SLC24A2: variants seen among roughly 807,000 people sequenced by gnomAD.
SLC24A2 encodes the protein sodium/potassium/calcium exchanger 2.
SLC24A2 carries 36 observed loss-of-function variants against 62.0 expected under a neutral mutation model. The ratio of observed to expected loss-of-function variants is 0.58; its 90% CI spans 0.44 to 0.77. The LOEUF is 0.77. Among genes scored for constraint, SLC24A2 ranks in the 30% least tolerant of loss-of-function variants. The probability of loss-of-function intolerance (pLI) is 0.00; values close to 1 mark genes in which losing one functional copy is unlikely to be tolerated. For missense variants in SLC24A2, 846 were observed against 817.9 expected (o/e 1.03, Z -0.42); for synonymous variants, 358 against 294.0 (o/e 1.22, Z -2.23).
chr9:20,033,357 T>C, the SLC24A2 span, among the ~76,000 whole-genome samples: 13 of 152,280 alleles, frequency 8.5e-5, no homozygotes, highest in Non-Finnish European at 4.4e-5. Context: ...AGACTTGCAA[T>C]GAAATACTTG....
At chr9:19,934,575 G>A in the SLC24A2 span, among the ~76,000 whole-genome samples, 1 of 152,194 alleles carries the variant, frequency 6.6e-6, no homozygotes, top group African/African-American at 2.4e-5. This position sits in a 1 kb window ranked among gnomAD's most constrained non-coding sequence, Gnocchi z 4.1. Context: ...TGCGCTGCCT[G>A]CCAGGCAGCG....
At chr9:20,290,209 G>T in the SLC24A2 span, among the ~76,000 whole-genome samples, 1 of 152,164 alleles carries the variant, frequency 6.6e-6, no homozygotes, top group Non-Finnish European at 1.5e-5. Context: ...GCAGGATAAG[G>T]CTGAACTCTG....
At chr9:19,899,231 AAG>A in the SLC24A2 span, among the ~76,000 whole-genome samples, 1 of 152,190 alleles carries the variant, frequency 6.6e-6, no homozygotes, top group Non-Finnish European at 1.5e-5. Flanking sequence ...CTGGGAAAGT[AAG>A]AGAGAAAGGG....
chr9:19,900,455 C>A, the SLC24A2 span, among the ~76,000 whole-genome samples: 7 of 152,182 alleles, frequency 4.6e-5, no homozygotes, highest in Non-Finnish European at 1.0e-4. Flanking sequence ...TATTGGTGGA[C>A]TCCATTATCT....
At chr9:19,749,228 C>A (rs1367963481) in intron 2 of SLC24A2, among the ~76,000 whole-genome samples, 11 of 151,858 alleles carry the variant, frequency 7.2e-5, no homozygotes, top group African/African-American at 2.7e-4. Context: ...GCATTCAATT[C>A]TTTTAAAATG....
At chr9:20,298,012 G>A in the SLC24A2 span, among the ~76,000 whole-genome samples, 1 of 152,166 alleles carries the variant, frequency 6.6e-6, no homozygotes, top group Non-Finnish European at 1.5e-5. Context: ...ACTGGTGGAG[G>A]CAAACTCCAT....
the SLC24A2 span, among the ~76,000 whole-genome samples, chr9:19,795,076 CT>C: frequency 6.6e-6 from 1 of 152,148 alleles, no homozygotes; most frequent in African/African-American, 2.4e-5. Context: ...AACTAAAATA[CT>C]TGTTTTATTC....
At chr9:20,012,807 C>G in the SLC24A2 span, among the ~76,000 whole-genome samples, 1 of 151,170 alleles carries the variant, frequency 6.6e-6, no homozygotes, top group Non-Finnish European at 1.5e-5. Flanking sequence ...TTTACAATAG[C>G]AACAAAAAAT....
intron 4 of SLC24A2, among the ~76,000 whole-genome samples, chr9:19,600,236 A>G (rs1253070778): frequency 6.6e-6 from 1 of 152,226 alleles, no homozygotes; most frequent in Non-Finnish European, 1.5e-5. Context: ...GCTGCCCATT[A>G]TGAGAATCAC....
chr9:20,016,094 C>G, the SLC24A2 span, among the ~76,000 whole-genome samples: 1 of 152,130 alleles, frequency 6.6e-6, no homozygotes, highest in Admixed American at 6.5e-5. Context: ...TAGGCCAGTG[C>G]TTTTTGAACT....
At chr9:19,774,987 C>T (rs1822803340) in intron 2 of SLC24A2, among the ~76,000 whole-genome samples, 1 of 152,190 alleles carries the variant, frequency 6.6e-6, no homozygotes, top group African/African-American at 2.4e-5. Context: ...CTAGTCCTTT[C>T]ATTTTCAAAG....
At chr9:19,974,451 T>C in the SLC24A2 span, among the ~76,000 whole-genome samples, 2 of 152,328 alleles carry the variant, frequency 1.3e-5, no homozygotes, top group East Asian at 1.9e-4. Flanking sequence ...TGTCAACAAG[T>C]GCTTATGTAC....
At chr9:19,939,276 CATGGA>C in the SLC24A2 span, among the ~76,000 whole-genome samples, 5 of 152,270 alleles carry the variant, frequency 3.3e-5, no homozygotes, top group South Asian at 1.0e-3. Flanking sequence ...GTGTGAACAT[CATGGA>C]GTATACTTAT....
chr9:20,285,776 A>G, the SLC24A2 span, among the ~76,000 whole-genome samples: 3 of 152,342 alleles, frequency 2.0e-5, no homozygotes, highest in South Asian at 2.1e-4. Context: ...CCCTAATTCT[A>G]TATGACTGGT....
At chr9:19,988,952 T>C in the SLC24A2 span, among the ~76,000 whole-genome samples, 5 of 152,190 alleles carry the variant, frequency 3.3e-5, no homozygotes, top group South Asian at 1.0e-3. Flanking sequence ...TAGATTTTCT[T>C]TTAGGAAGCT....
At chr9:19,605,922 G>A (rs773753577) in intron 4 of SLC24A2, among the ~76,000 whole-genome samples, 67 of 152,238 alleles carry the variant, frequency 4.4e-4, no homozygotes, top group Non-Finnish European at 7.5e-4. Flanking sequence ...CAAGGTGGCT[G>A]GCTCCTCATT....
the SLC24A2 span, among the ~76,000 whole-genome samples, chr9:19,924,192 C>T: frequency 3.9e-5 from 6 of 152,194 alleles, no homozygotes; most frequent in Admixed American, 1.3e-4. Context: ...ATGGGTGTTA[C>T]TATCAAACTG....
At chr9:20,109,808 T>C in the SLC24A2 span, among the ~76,000 whole-genome samples, 1 of 152,092 alleles carries the variant, frequency 6.6e-6, no homozygotes, top group Admixed American at 6.6e-5. Flanking sequence ...AAGGGCGTGG[T>C]CTAGAGGAAC....
the SLC24A2 span, among the ~76,000 whole-genome samples, chr9:20,279,814 C>A: frequency 6.6e-6 from 1 of 152,174 alleles, no homozygotes; most frequent in Admixed American, 6.5e-5. Flanking sequence ...AGTGTTCCTT[C>A]CGGTGGTTTG....
Sources: allele counts gnomAD v4.1 joint callset (sites outside exome capture counted in the v4.1 genomes callset), GRCh38; gene constraint gnomAD v4.1.1; non-coding constraint Gnocchi (gnomAD v3.1); transcripts MANE v1.5; gene names NCBI Gene and HGNC (gene_info 2026-07-23, HGNC 2026-07-21).